The following LRFN5 variants were observed in gnomAD, a reference collection of about 807,000 sequenced individuals.
LRFN5 encodes the protein leucine-rich repeat and fibronectin type-III domain-containing protein 5.
Under a neutral mutation model 45.6 loss-of-function variants are expected in LRFN5, and 24 were observed. The ratio of observed to expected loss-of-function variants is 0.53; its 90% confidence interval spans 0.38 to 0.74. The LOEUF (loss-of-function observed/expected upper bound fraction) is 0.74, where lower values mean the gene tolerates loss of function less well. Among genes scored for constraint, LRFN5 ranks in the 30% least tolerant of loss-of-function variants. LRFN5 has a pLI of 0.00. For synonymous variants in LRFN5, 340 were observed against 313.8 expected, an observed-to-expected ratio of 1.08 and a Z score of -0.88; for missense variants, 776 against 861.5, an observed-to-expected ratio of 0.90 and a Z score of 1.24.
chr14:41,813,784 G>T (rs1187262258), intron 2 of LRFN5, among the ~76,000 whole-genome samples: 1 of 152,164 alleles, frequency 6.6e-6, no homozygotes, highest in East Asian at 1.9e-4. Flanking sequence ...TTCCACAATG[G>T]TTGAACTAAT....
chr14:41,857,768 T>C (rs1028441850), intron 2 of LRFN5, among the ~76,000 whole-genome samples: 2 of 152,230 alleles, frequency 1.3e-5, no homozygotes, highest in Non-Finnish European at 2.9e-5. Flanking sequence ...CAAAAAATGT[T>C]ATTAGACGAT....
rs115596791 is a variant in LRFN5 at position 41,835,221 on chromosome 14, T to C, written c.-20-51385T>C. ...AAAAAGATAATTGAGTCCAGGATTA[T>C]TAAACATACAGGACATCATTTTTGC... is the stretch of plus-strand genomic sequence containing the variant. On this transcript the variant is annotated intron_variant, in intron 2 of 5. Transcript: ENST00000298119. Among the ~76,000 whole-genome samples the C allele has an allele frequency of 9.8e-3, 1,493 of 152,302 alleles. 25 individuals are homozygous for C. Among genetic ancestry groups the C allele is most frequent in the African/African-American group, 0.034 (1,430 of 41,564 alleles).
intron 2 of LRFN5, among the ~76,000 whole-genome samples, chr14:41,831,923 C>T (rs1888496866): frequency 6.6e-6 from 1 of 152,126 alleles, no homozygotes; most frequent in Admixed American, 6.5e-5. Context: ...CTCTTACTGG[C>T]TTACAGATGT....
chr14:41,790,580 T>A (rs1886884671), intron 2 of LRFN5, among the ~76,000 whole-genome samples: 1 of 147,846 alleles, frequency 6.8e-6, no homozygotes, highest in Non-Finnish European at 1.5e-5. Flanking sequence ...TAATTTTGTT[T>A]TTTTTTTTTA....
chr14:41,751,309 T>G (rs943325188), intron 1 of LRFN5, among the ~76,000 whole-genome samples: 4 of 152,084 alleles, frequency 2.6e-5, no homozygotes, highest in African/African-American at 7.2e-5. Context: ...TATGGTAAAA[T>G]TCAAATGCAC....
Position 41,670,292 on chromosome 14 carries a change from T to C in LRFN5, c.-197+61730T>C, listed in dbSNP as rs1396002302. ...ATATATATATATATATATATATATA[T>C]ATATATATATATACACACACACAGA... On this transcript the variant is annotated intron_variant, in intron 1 of 5. Coordinates refer to ENST00000298119, the MANE Select transcript of LRFN5 (RefSeq NM_152447.5). Among the ~76,000 whole-genome samples the C allele has an allele frequency of 6.1e-5, 4 of 65,706 alleles. No individual in the cohort carries two copies. In the South Asian group the frequency reaches 1.8e-3, roughly 29 times the overall value. 43.1% of individuals were successfully genotyped at this position (65,706 alleles called of 152,430 possible). A position where few individuals can be genotyped will look rare whatever the true frequency, so the allele number is the denominator to read the frequency against.
intron 2 of LRFN5, among the ~76,000 whole-genome samples, chr14:41,799,283 A>ATT (rs558144957): frequency 1.2e-4 from 18 of 152,004 alleles, no homozygotes; most frequent in Non-Finnish European, 2.2e-4. Flanking sequence ...GGAGTTCATA[A>ATT]TTGTTGTTTT....
chr14:41,827,801 A>G (rs1168655909), intron 2 of LRFN5, among the ~76,000 whole-genome samples: 1 of 152,010 alleles, frequency 6.6e-6, no homozygotes, highest in African/African-American at 2.4e-5. Flanking sequence ...ATACCAACAC[A>G]TTTCATTGCT....
intron 1 of LRFN5, among the ~76,000 whole-genome samples, chr14:41,766,017 G>C (rs1885871529): frequency 6.6e-6 from 1 of 152,104 alleles, no homozygotes; most frequent in Non-Finnish European, 1.5e-5. Context: ...TTCATCTTAG[G>C]TCTGTTTTTT....
At chr14:41,894,236 A>G in intron 4 of LRFN5, 1 of 984,248 alleles carries the variant, frequency 1.0e-6, no homozygotes, top group Non-Finnish European at 1.2e-6. Context: ...TATGTACTAT[A>G]AGTTACTGAT....
chr14:41,611,298 C>T lies in LRFN5; in HGVS notation c.-197+2736C>T, dbSNP rs145522253. Among the ~76,000 whole-genome samples, 11 of 152,212 alleles carry T rather than the reference C, an allele frequency of 7.2e-5. No homozygotes were observed. In the East Asian group the frequency reaches 1.5e-3, roughly 21 times the overall value. ...GTTACATGCACAGAAGTTCCTAAGG[C>T]GGGGGGAAAATATTTCTGCCACCTT... On this transcript the variant is annotated intron_variant, in intron 1 of 5. Transcript: ENST00000298119.
intron 1 of LRFN5, among the ~76,000 whole-genome samples, chr14:41,704,162 A>G (rs902623658): frequency 3.3e-5 from 5 of 152,142 alleles, no homozygotes; most frequent in Non-Finnish European, 7.3e-5. Flanking sequence ...CATTGCGCTT[A>G]TTTGAATTTA....
intron 2 of LRFN5, among the ~76,000 whole-genome samples, chr14:41,818,226 G>A (rs1010349807): frequency 6.6e-6 from 1 of 151,482 alleles, no homozygotes; most frequent in Non-Finnish European, 1.5e-5. Flanking sequence ...CTATTTCCTG[G>A]ATAAATACTT....
chr14:41,800,775 G>C (rs539695020), intron 2 of LRFN5, among the ~76,000 whole-genome samples: 1 of 139,162 alleles, frequency 7.2e-6, no homozygotes, highest in African/African-American at 2.8e-5. Flanking sequence ...GATTACCCTG[G>C]AGAAAAAAAA....
rs544447604 is a variant in LRFN5, at chr14:41,888,820, C to A, written c.1385+810C>A. On this transcript the variant is annotated intron_variant, in intron 3 of 5. Coordinates refer to ENST00000298119, the MANE Select transcript of LRFN5 (RefSeq NM_152447.5). ...TCTGGTATGTTTTTCTAAAGTTCAG[C>A]CTCATTGATTTATAGTCACATCTTA... 2.0e-5 allele frequency among the ~76,000 whole-genome samples: 3 copies of A among 151,958 alleles called. No homozygotes were observed. In the East Asian group the frequency reaches 5.8e-4, roughly 29 times the overall value.
At chr14:41,833,550 C>T (rs1335621876) in intron 2 of LRFN5, among the ~76,000 whole-genome samples, 1 of 152,186 alleles carries the variant, frequency 6.6e-6, no homozygotes, top group Non-Finnish European at 1.5e-5. Context: ...CAAAGTCCTG[C>T]CTGCTGAGCA....
At chr14:41,818,967 C>T (rs1427058060) in intron 2 of LRFN5, among the ~76,000 whole-genome samples, 1 of 152,046 alleles carries the variant, frequency 6.6e-6, no homozygotes, top group African/African-American at 2.4e-5. Context: ...TATTTAGCTC[C>T]AACTTTTAAG....
At chr14:41,878,815 C>CATGAAAG (rs1487284516) in intron 2 of LRFN5, among the ~76,000 whole-genome samples, 2 of 152,002 alleles carry the variant, frequency 1.3e-5, no homozygotes, top group African/African-American at 4.8e-5. Context: ...TCCAGAAAAG[C>CATGAAAG]ATGAAAGCCA....
At chr14:41,698,958 A>T (rs1184144080) in intron 1 of LRFN5, among the ~76,000 whole-genome samples, 8 of 152,072 alleles carry the variant, frequency 5.3e-5, no homozygotes, top group African/African-American at 1.9e-4. Context: ...TAATTATATC[A>T]GAAACAGAAA....
Sources: allele counts gnomAD v4.1 joint callset (sites outside exome capture counted in the v4.1 genomes callset), GRCh38; gene constraint gnomAD v4.1.1; transcripts MANE v1.5; gene names NCBI Gene and HGNC (gene_info 2026-07-23, HGNC 2026-07-21).